The following NSD3 variants were observed in gnomAD, a reference collection of about 807,000 sequenced individuals.
NSD3 encodes histone-lysine N-methyltransferase NSD3.
Under a neutral mutation model 160.8 loss-of-function variants are expected in NSD3, and 24 were observed. The ratio of observed to expected loss-of-function variants is 0.15; its 90% CI spans 0.11 to 0.21. The LOEUF is 0.21. NSD3 is among the 10% of genes least tolerant of loss of function. NSD3 has a pLI of 1.00. For missense variants in NSD3, 1,157 were observed against 1,735.9 expected, an observed-to-expected ratio of 0.67 and a Z score of 5.93; for synonymous variants, 520 against 600.0, an observed-to-expected ratio of 0.87 and a Z score of 1.95.
At chr8:38,336,164 A>C (rs1391205364) in intron 4 of NSD3, 2 of 152,250 alleles carry the variant, frequency 1.3e-5, no homozygotes, top group Non-Finnish European at 2.9e-5. Context: ...CAGATGGTTT[A>C]AAGTAAAAGA....
At position 38,329,561 on chromosome 8, in the gene NSD3, AACAGGC is replaced by A; in HGVS notation, c.1392_1397del (p.Pro465_Val466del). 6.2e-7 allele frequency: 1 copy of A among 1,614,196 alleles called. No individual in the cohort carries two copies. The highest frequency in any genetic ancestry group is 8.5e-7 in the Non-Finnish European group (1 of 1,180,034). ...CTGCCGCAGTTTTCCAGGCTATTTT[AACAGGC>A]GGTGGCTCTTCCTCTTCCGCACTTG... On this transcript the variant is annotated inframe_deletion, in exon 6 of 24. Transcript: ENST00000317025. This position sits in a 1 kb window ranked among gnomAD's most constrained non-coding sequence, Gnocchi z 4.8.
At chr8:38,277,519 C>T (rs1339924487) in intron 22 of NSD3, among the ~76,000 whole-genome samples, 1 of 152,132 alleles carries the variant, frequency 6.6e-6, no homozygotes, top group East Asian at 1.9e-4. Context: ...CCTTGTGATC[C>T]ACCGGCCTCA....
chr8:38,326,693 CA>C, intron 7 of NSD3, 36 bp downstream of exon 7: 1 of 1,575,112 alleles, frequency 6.3e-7, no homozygotes. Context: ...AAGGATTTCT[CA>C]AAATGGACCT....
intron 6 of NSD3, among the ~76,000 whole-genome samples, chr8:38,328,932 T>A (rs1809978511): frequency 6.6e-6 from 1 of 152,168 alleles, no homozygotes; most frequent in Non-Finnish European, 1.5e-5. Context: ...CCCATAAGAA[T>A]CTAACAAAAT....
intron 2 of NSD3, among the ~76,000 whole-genome samples, chr8:38,347,030 ATATT>A (rs1347453144): frequency 6.6e-6 from 1 of 152,208 alleles, no homozygotes; most frequent in Non-Finnish European, 1.5e-5. Context: ...GTTTTAATCA[ATATT>A]TATTAATACT....
chr8:38,351,128 T>C (rs889856419), intron 1 of NSD3, among the ~76,000 whole-genome samples: 3 of 151,510 alleles, frequency 2.0e-5, no homozygotes, highest in Non-Finnish European at 4.4e-5. Flanking sequence ...CCCGCCACCA[T>C]GCCCAGCTAT....
intron 12 of NSD3, among the ~76,000 whole-genome samples, chr8:38,311,208 C>A (rs1809527379): frequency 6.6e-6 from 1 of 151,938 alleles, no homozygotes; most frequent in Admixed American, 6.6e-5. Context: ...AGCCATTGCA[C>A]CTGGCCCCCT....
intron 1 of NSD3, among the ~76,000 whole-genome samples, chr8:38,375,722 A>T (rs1356572595): frequency 6.6e-6 from 1 of 152,030 alleles, no homozygotes; most frequent in Non-Finnish European, 1.5e-5. Flanking sequence ...AAAGTTCACC[A>T]TTCATTTAAA....
rs1585841066 is a variant in NSD3, at chr8:38,270,322, A to T, written c.*5319T>A. On this transcript the variant is annotated 3_prime_UTR_variant, in exon 24 of 24. Coordinates refer to ENST00000317025, the MANE Select transcript of NSD3 (RefSeq NM_023034.2). ...ACCAATCTACAAAGATCATTATCAT[A>T]AAGAACACGAGAAAATGAAAACGGA... The T allele has an allele frequency of 1.3e-5, 2 of 152,360 alleles. No individual in the cohort carries two copies. Among genetic ancestry groups the T allele is most frequent in the East Asian group, 3.9e-4 (2 of 5,190 alleles). The allele number at this position is 152,360 out of a possible 1,614,324, so 9.4% of individuals were successfully genotyped here. A position where few individuals can be genotyped will look rare whatever the true frequency, so the allele number is the denominator to read the frequency against.
intron 4 of NSD3, among the ~76,000 whole-genome samples, chr8:38,334,368 G>C (rs1258736015): frequency 6.6e-6 from 1 of 152,128 alleles, no homozygotes; most frequent in Non-Finnish European, 1.5e-5. Flanking sequence ...AGGATTTTTG[G>C]GGGTTGATGA....
At chr8:38,364,985 C>T (rs1329339182) in intron 1 of NSD3, among the ~76,000 whole-genome samples, 2 of 152,182 alleles carry the variant, frequency 1.3e-5, no homozygotes, top group Non-Finnish European at 2.9e-5. Flanking sequence ...GAGTAAATCC[C>T]ATAACCTCTG....
At position 38,342,759 on chromosome 8, in the gene NSD3, C is replaced by T. The variant is rs184304293; in HGVS notation, c.676-4152G>A. Among the ~76,000 whole-genome samples, 57 of 152,028 alleles carry T rather than the reference C, an allele frequency of 3.7e-4. No homozygotes were observed. In the Middle Eastern group the frequency reaches 0.027, roughly 73 times the overall value. ...TATTTTTAGTAGAGATGGGGTTTCA[C>T]CATGTTGGCCAGGAGGTCTCGATCT... On this transcript the variant is annotated intron_variant, in intron 2 of 23. Coordinates refer to ENST00000317025, the MANE Select transcript of NSD3 (RefSeq NM_023034.2).
chr8:38,304,024 C>T (rs951324049), intron 14 of NSD3, among the ~76,000 whole-genome samples: 4 of 152,194 alleles, frequency 2.6e-5, no homozygotes, highest in African/African-American at 4.8e-5. Flanking sequence ...TGTACTTAAA[C>T]GTCAACAGCT....
intron 16 of NSD3, among the ~76,000 whole-genome samples, chr8:38,293,420 C>T (rs983843277): frequency 1.3e-5 from 2 of 148,534 alleles, no homozygotes; most frequent in African/African-American, 2.5e-5. Flanking sequence ...CGTGGTGGAG[C>T]GTGCCTGTAG....
intron 12 of NSD3, 90 bp downstream of exon 12, chr8:38,314,557 G>A (rs1809611664): frequency 2.0e-6 from 3 of 1,507,750 alleles, no homozygotes; most frequent in South Asian, 1.3e-5. Context: ...AAAAGTGATG[G>A]GAACAAGATG....
At chr8:38,360,059 A>AT (rs1369965558) in intron 1 of NSD3, among the ~76,000 whole-genome samples, 1 of 150,692 alleles carries the variant, frequency 6.6e-6, no homozygotes, top group East Asian at 1.9e-4. Flanking sequence ...GCAGTGGTGC[A>AT]ATCACAGCTC....
chr8:38,353,781 G>A (rs1374756228), intron 1 of NSD3, among the ~76,000 whole-genome samples: 3 of 152,128 alleles, frequency 2.0e-5, no homozygotes, highest in Admixed American at 1.3e-4. Flanking sequence ...GACTGACAGG[G>A]CAAGGTGTGC....
chr8:38,364,085 C>T (rs1202570480), intron 1 of NSD3, among the ~76,000 whole-genome samples: 1 of 151,998 alleles, frequency 6.6e-6, no homozygotes, highest in Non-Finnish European at 1.5e-5. Flanking sequence ...TCAGCCTGGC[C>T]AACCTGGTGA....
At chr8:38,344,950 T>C (rs113682951) in intron 2 of NSD3, among the ~76,000 whole-genome samples, 2,513 of 152,268 alleles carry the variant, frequency 0.017, 31 homozygotes, top group Non-Finnish European at 0.025. Flanking sequence ...ACTGTAGATG[T>C]TGTTCAAGTT....
Sources: gnomAD v4.1 joint callset for allele counts (sites outside exome capture counted in the v4.1 genomes callset) on GRCh38, gnomAD v4.1.1 for gene constraint, Gnocchi (gnomAD v3.1) non-coding constraint, MANE v1.5 for transcripts, NCBI Gene and HGNC (gene_info 2026-07-23, HGNC 2026-07-21) for gene names.